Variants in CDK17 observed in about 807,000 individuals in gnomAD.
CDK17 encodes cyclin dependent kinase 17.
Under a neutral mutation model 77.6 loss-of-function variants are expected in CDK17, and 24 were observed. The ratio of observed to expected loss-of-function variants is 0.31; its 90% CI spans 0.22 to 0.44. The LOEUF is 0.44. CDK17 is among the 20% of genes least tolerant of loss of function. The pLI is 1.00. For synonymous variants in CDK17, 203 were observed against 210.4 expected, an observed-to-expected ratio of 0.96 and a Z score of 0.30; for missense variants, 429 against 622.5, an observed-to-expected ratio of 0.69 and a Z score of 3.31.
At chr12:96,342,748 T>C (rs931967151) in intron 1 of CDK17, among the ~76,000 whole-genome samples, 1 of 152,120 alleles carries the variant, frequency 6.6e-6, no homozygotes, top group Non-Finnish European at 1.5e-5. Flanking sequence ...GCGGATCACC[T>C]GAGGTTGGGA....
chr12:96,352,504 A>G (rs1055838206), intron 1 of CDK17, among the ~76,000 whole-genome samples: 2 of 152,172 alleles, frequency 1.3e-5, no homozygotes, highest in Non-Finnish European at 2.9e-5. Context: ...GGTGGGCTAT[A>G]AAGGATGGCG....
At chr12:96,373,991 A>T (rs1036925362) in intron 1 of CDK17, among the ~76,000 whole-genome samples, 1 of 152,164 alleles carries the variant, frequency 6.6e-6, no homozygotes, top group Non-Finnish European at 1.5e-5. Context: ...GTGAGATCTA[A>T]ATCAGAATGC....
At chr12:96,313,043 T>A (rs1292349169) in intron 4 of CDK17, among the ~76,000 whole-genome samples, 1 of 152,174 alleles carries the variant, frequency 6.6e-6, no homozygotes. Context: ...TCACTTCTCC[T>A]TAATGGATAA....
At chr12:96,392,334 C>T (rs1954082592) in intron 1 of CDK17, among the ~76,000 whole-genome samples, 1 of 151,992 alleles carries the variant, frequency 6.6e-6, no homozygotes, top group Non-Finnish European at 1.5e-5. Flanking sequence ...ACAGAGTAGG[C>T]AGGTACTTCA....
At chr12:96,363,775 G>A (rs1953536654) in intron 1 of CDK17, among the ~76,000 whole-genome samples, 1 of 152,060 alleles carries the variant, frequency 6.6e-6, no homozygotes, top group Non-Finnish European at 1.5e-5. Flanking sequence ...GCCTGAACCT[G>A]GGAGGTGGAG....
chr12:96,299,514 C>CA (rs1952465264), intron 6 of CDK17, among the ~76,000 whole-genome samples: 1 of 150,882 alleles, frequency 6.6e-6, no homozygotes, highest in Non-Finnish European at 1.5e-5. Flanking sequence ...ACTCAGCCTC[C>CA]CGAGTAGCTG....
intron 5 of CDK17, among the ~76,000 whole-genome samples, chr12:96,309,289 G>A (rs750989056): frequency 3.4e-5 from 5 of 148,492 alleles, no homozygotes; most frequent in South Asian, 2.3e-4. Context: ...TTCATAGGCC[G>A]TTTTTGACTG....
chr12:96,345,514 G>A (rs1264809213), intron 1 of CDK17, among the ~76,000 whole-genome samples: 1 of 152,028 alleles, frequency 6.6e-6, no homozygotes. Context: ...TTTAGTAATC[G>A]CCATTCGACT....
At chr12:96,302,890 TGCAGGCAG>T (rs1398820469) in intron 5 of CDK17, among the ~76,000 whole-genome samples, 2 of 152,070 alleles carry the variant, frequency 1.3e-5, no homozygotes, top group Non-Finnish European at 2.9e-5. Flanking sequence ...ATTCCACCCA[TGCAGGCAG>T]GCAGGCAGGC....
At chr12:96,337,797 C>T (rs996005617) in intron 1 of CDK17, among the ~76,000 whole-genome samples, 2 of 152,160 alleles carry the variant, frequency 1.3e-5, no homozygotes, top group East Asian at 1.9e-4. Context: ...ACACTAGAGA[C>T]ATCTTCCTTT....
At chr12:96,312,295 T>A (rs1592720408) in intron 4 of CDK17, among the ~76,000 whole-genome samples, 1 of 151,966 alleles carries the variant, frequency 6.6e-6, no homozygotes, top group Non-Finnish European at 1.5e-5. Flanking sequence ...GAAAAAAATA[T>A]ATACTATAAA....
intron 1 of CDK17, among the ~76,000 whole-genome samples, chr12:96,386,514 C>T (rs768767370): frequency 1.4e-4 from 21 of 151,882 alleles, no homozygotes; most frequent in Non-Finnish European, 2.6e-4. Context: ...AAAAATTAGC[C>T]AAGCATGGCG....
chr12:96,292,721 G>C (rs1323235343), intron 10 of CDK17, among the ~76,000 whole-genome samples: 1 of 152,118 alleles, frequency 6.6e-6, no homozygotes, highest in Non-Finnish European at 1.5e-5. Flanking sequence ...CAAACTCTCA[G>C]AATGCGGAAT....
At chr12:96,351,356 A>C (rs567857683) in intron 1 of CDK17, among the ~76,000 whole-genome samples, 1 of 151,878 alleles carries the variant, frequency 6.6e-6, no homozygotes, top group Non-Finnish European at 1.5e-5. Flanking sequence ...TCAAACAGAT[A>C]CTTGTACACC....
intron 1 of CDK17, among the ~76,000 whole-genome samples, chr12:96,346,553 G>C (rs140264711): frequency 2.6e-5 from 4 of 151,802 alleles, no homozygotes; most frequent in Non-Finnish European, 2.9e-5. Context: ...GCTTGAATCC[G>C]AGAAGCGCAG....
At chr12:96,325,500 T>C (rs1279928542) in intron 2 of CDK17, among the ~76,000 whole-genome samples, 2 of 152,184 alleles carry the variant, frequency 1.3e-5, no homozygotes, top group Admixed American at 1.3e-4. Flanking sequence ...GACCAGGGTA[T>C]GGGCTCCAGA....
At chr12:96,338,232 T>G (rs747985208) in intron 1 of CDK17, among the ~76,000 whole-genome samples, 1 of 152,194 alleles carries the variant, frequency 6.6e-6, no homozygotes, top group Non-Finnish European at 1.5e-5. Context: ...CATGTTGTCA[T>G]AGCCCATGCA....
At chr12:96,385,198 G>C (rs1287430166) in intron 1 of CDK17, among the ~76,000 whole-genome samples, 2 of 151,528 alleles carry the variant, frequency 1.3e-5, no homozygotes, top group Non-Finnish European at 2.9e-5. Flanking sequence ...TGTAGTCCCA[G>C]CTACTCAGGA....
intron 1 of CDK17, among the ~76,000 whole-genome samples, chr12:96,394,158 A>T (rs1954125194): frequency 6.6e-6 from 1 of 152,086 alleles, no homozygotes; most frequent in Admixed American, 6.6e-5. Flanking sequence ...AGGCAGGAGA[A>T]TCACTTGAAC....
Sources: gnomAD v4.1 joint callset for allele counts (sites outside exome capture counted in the v4.1 genomes callset) on GRCh38, gnomAD v4.1.1 for gene constraint, MANE v1.5 for transcripts, NCBI Gene and HGNC (gene_info 2026-07-23, HGNC 2026-07-21) for gene names.